Variants in TDRD3 observed in about 807,000 individuals in gnomAD.
TDRD3 encodes tudor domain containing 3.
In TDRD3, 45 loss-of-function variants were observed where a neutral mutation model predicts 86.7. The ratio of observed to expected loss-of-function variants is 0.52; its 90% CI spans 0.41 to 0.67. TDRD3 has a LOEUF of 0.67. Among genes scored for constraint, TDRD3 ranks in the 30% least tolerant of loss-of-function variants. The pLI, the probability that TDRD3 is intolerant of heterozygous loss-of-function variation, is 0.00. For synonymous variants in TDRD3, 298 were observed against 301.7 expected (o/e 0.99, Z 0.13); for missense variants, 814 against 889.0 (o/e 0.92, Z 1.07).
At chr13:60,498,481 A>C (rs1241839136) in intron 8 of TDRD3, among the ~76,000 whole-genome samples, 1 of 136,224 alleles carries the variant, frequency 7.3e-6, no homozygotes, top group Admixed American at 7.2e-5. Context: ...TGGCTAATTA[A>C]TCATGGTGTT....
At chr13:60,437,701 G>A (rs375100259) in intron 1 of TDRD3, among the ~76,000 whole-genome samples, 7 of 151,206 alleles carry the variant, frequency 4.6e-5, no homozygotes, top group African/African-American at 1.7e-4. Flanking sequence ...TTCCTTTCTA[G>A]AAAACAAAAT....
intron 8 of TDRD3, among the ~76,000 whole-genome samples, chr13:60,508,554 C>G (rs1238923083): frequency 6.6e-6 from 1 of 152,164 alleles, no homozygotes; most frequent in African/African-American, 2.4e-5. Flanking sequence ...GCTGGGAAAA[C>G]TGGCTAGCCA....
chr13:60,547,302 C>T, intron 12 of TDRD3: 1 of 985,380 alleles, frequency 1.0e-6, no homozygotes, highest in Non-Finnish European at 1.2e-6. Flanking sequence ...GAAAAGGGAT[C>T]TCTGAGGTGA....
intron 3 of TDRD3, among the ~76,000 whole-genome samples, chr13:60,454,422 G>A (rs1003209099): frequency 6.6e-6 from 1 of 151,572 alleles, no homozygotes; most frequent in Non-Finnish European, 1.5e-5. Context: ...CTCAATCTTC[G>A]TAGCTTGTTT....
At chr13:60,572,502 G>T (rs1958608574) in intron 13 of TDRD3, among the ~76,000 whole-genome samples, 1 of 152,182 alleles carries the variant, frequency 6.6e-6, no homozygotes, top group African/African-American at 2.4e-5. Flanking sequence ...GGTTAGAGTT[G>T]CATGTCCTGC....
chr13:60,510,729 C>A lies in TDRD3; in HGVS notation c.1115C>A (p.Ser372Tyr). The A allele has an allele frequency of 6.3e-7, 1 of 1,585,008 alleles. No individual in the cohort carries two copies. The highest frequency in any genetic ancestry group is 1.8e-5 in the Admixed American group (1 of 56,656). Reference sequence around the variant, plus strand: ...AGCACATTATTTGATTTCTTGGAATCTAAAATGGGAACTTTGAATGTGGAA... The same window carrying A: ...AGCACATTATTTGATTTCTTGGAATATAAAATGGGAACTTTGAATGTGGAA... ...APSTLFDFLE[S>Y]KMGTLNVEEP... Residue 372 changes from serine to tyrosine, a missense_variant, in exon 10 of 14, where the codon TCT (serine) becomes TAT (tyrosine). Ser to Tyr is a moderately radical substitution (Grantham distance 144). Transcript: ENST00000377881.
rs1421295543 is a variant in TDRD3, at chr13:60,442,500, A to G, written c.127-2183A>G. On this transcript the variant is annotated intron_variant, in intron 2 of 13. Coordinates refer to ENST00000377881, the MANE Select transcript of TDRD3 (RefSeq NM_001146070.2). Reference sequence around the variant, plus strand: ...CCTGTATTATTATTTTTTGTTGTTCAATATAACAGCATTCTTGGACCCAGT... The same window carrying G: ...CCTGTATTATTATTTTTTGTTGTTCGATATAACAGCATTCTTGGACCCAGT... Among the ~76,000 whole-genome samples the G allele has an allele frequency of 3.3e-5, 5 of 151,908 alleles. No homozygotes were observed. The East Asian group carries it at 9.6e-4, about 29-fold the overall frequency.
At chr13:60,413,028 T>C (rs551257741) in intron 1 of TDRD3, among the ~76,000 whole-genome samples, 2 of 152,088 alleles carry the variant, frequency 1.3e-5, no homozygotes, top group Middle Eastern at 6.8e-3. Context: ...TTCCCTGCAG[T>C]ATCCCTGTAC....
At position 60,548,830 on chromosome 13, in the gene TDRD3, T is replaced by G. The variant is rs539521684; in HGVS notation, c.2118+13597T>G. Among the ~76,000 whole-genome samples the G allele has an allele frequency of 4.6e-5, 7 of 152,312 alleles. 1 individual carries two copies. The South Asian group carries it at 1.5e-3, about 32-fold the overall frequency. On this transcript the variant is annotated intron_variant, in intron 12 of 13. Coordinates refer to ENST00000377881, the MANE Select transcript of TDRD3 (RefSeq NM_001146070.2). ...TTAGTATGATCCTTTTGATTATTTTTTCCCAACACTTAAAAATGTTCATAA... is the reference window on the plus strand; with the variant it reads ...TTAGTATGATCCTTTTGATTATTTTGTCCCAACACTTAAAAATGTTCATAA...
At chr13:60,505,332 C>A (rs2137627760) in intron 8 of TDRD3, among the ~76,000 whole-genome samples, 1 of 152,344 alleles carries the variant, frequency 6.6e-6, no homozygotes, top group South Asian at 2.1e-4. Context: ...AGGAAGTTCT[C>A]ACTGGGCAGA....
chr13:60,399,186 T>A (rs1430505109), intron 1 of TDRD3, among the ~76,000 whole-genome samples: 1 of 152,214 alleles, frequency 6.6e-6, no homozygotes, highest in Non-Finnish European at 1.5e-5. Flanking sequence ...TCTAATACAG[T>A]TGACCTTGGA....
chr13:60,449,882 A>G (rs975905595), intron 3 of TDRD3, among the ~76,000 whole-genome samples: 22 of 152,006 alleles, frequency 1.4e-4, no homozygotes, highest in African/African-American at 5.1e-4. Context: ...CCCTAAAGCT[A>G]TTTCTTTCAA....
intron 5 of TDRD3, among the ~76,000 whole-genome samples, chr13:60,482,349 G>T (rs1956336120): frequency 1.3e-5 from 2 of 152,206 alleles, no homozygotes; most frequent in South Asian, 2.1e-4. Context: ...TTCTCTCAGG[G>T]ATAATAGTCT....
intron 12 of TDRD3, chr13:60,536,724 C>T (rs972846137): frequency 6.6e-6 from 1 of 152,060 alleles, no homozygotes; most frequent in Non-Finnish European, 1.5e-5. Flanking sequence ...TCTTCTCTCC[C>T]TAAAGAAAAA....
chr13:60,408,147 G>T (rs1184479110), intron 1 of TDRD3, among the ~76,000 whole-genome samples: 1 of 151,792 alleles, frequency 6.6e-6, no homozygotes, highest in Non-Finnish European at 1.5e-5. Flanking sequence ...TTCCACTTTT[G>T]TTTCTTCCTC....
intron 1 of TDRD3, among the ~76,000 whole-genome samples, chr13:60,413,549 G>A (rs1352549633): frequency 6.6e-6 from 1 of 152,176 alleles, no homozygotes; most frequent in Non-Finnish European, 1.5e-5. Flanking sequence ...TACACACAAA[G>A]TGCTTAGAAT....
chr13:60,471,429 T>C (rs1474160235), intron 5 of TDRD3, among the ~76,000 whole-genome samples: 70 of 152,210 alleles, frequency 4.6e-4, no homozygotes, highest in Non-Finnish European at 5.9e-5. Flanking sequence ...TTTTGATTAC[T>C]GTAACTTTTT....
intron 12 of TDRD3, among the ~76,000 whole-genome samples, chr13:60,548,569 GT>G (rs1369846617): frequency 6.6e-6 from 1 of 151,874 alleles, no homozygotes; most frequent in African/African-American, 2.4e-5. Flanking sequence ...TTTTTATTTT[GT>G]TTTTTTAAGC....
intron 1 of TDRD3, among the ~76,000 whole-genome samples, chr13:60,406,474 A>C (rs920995237): frequency 6.6e-6 from 1 of 152,258 alleles, no homozygotes; most frequent in Non-Finnish European, 1.5e-5. Context: ...ACTTTTTAAA[A>C]TATGGCTACA....
Sources: allele counts gnomAD v4.1 joint callset (sites outside exome capture counted in the v4.1 genomes callset), GRCh38; gene constraint gnomAD v4.1.1; transcripts MANE v1.5; gene names NCBI Gene and HGNC (gene_info 2026-07-23, HGNC 2026-07-21).